DSG1: variants seen among roughly 807,000 people sequenced by gnomAD.
The protein encoded by DSG1 is desmoglein 1, also known as desmoglein-1.
DSG1 carries 39 observed loss-of-function variants against 97.5 expected under a neutral mutation model. That is an observed-to-expected ratio of 0.40 (90% CI 0.31 to 0.52). The LOEUF (loss-of-function observed/expected upper bound fraction) is 0.52. DSG1 is among the 20% of genes least tolerant of loss of function. The pLI, the probability that DSG1 is intolerant of heterozygous loss-of-function variation, is 0.53. For synonymous variants in DSG1, 475 were observed against 443.4 expected, an observed-to-expected ratio of 1.07 and a Z score of -0.90; for missense variants, 1,311 against 1,295.4, an observed-to-expected ratio of 1.01 and a Z score of -0.18.
rs776316038 is a variant in DSG1, at chr18:31,331,792, T to C, written c.609T>C (p.Pro203=). The change falls in exon 6 of 15, where the codon CCT becomes CCC. Residue 203 remains proline (P), a synonymous_variant. Coordinates refer to ENST00000257192, the MANE Select transcript of DSG1 (RefSeq NM_001942.4). The part of the protein sequence containing the change: ...KIAFKIIRQE[P]SDSPMFIINR... ...CCTTCAAGATTATAAGACAAGAACC[T>C]TCAGATTCACCAATGTTTATTATCA... is the stretch of plus-strand genomic sequence containing the variant. 1 of 1,612,850 alleles carries C rather than the reference T, an allele frequency of 6.2e-7. No homozygotes were observed. Among genetic ancestry groups the C allele is most frequent in the Non-Finnish European group, 8.5e-7 (1 of 1,179,136 alleles).
intron 3 of DSG1, 101 bp from the exon 4 acceptor site, chr18:31,328,088 A>G: frequency 1.6e-6 from 2 of 1,232,868 alleles, no homozygotes; most frequent in Non-Finnish European, 1.1e-6. Context: ...TTCCTAAATA[A>G]CAAGGTCATC....
chr18:31,348,028 T>A (rs913365735), intron 14 of DSG1, among the ~76,000 whole-genome samples: 4 of 152,090 alleles, frequency 2.6e-5, no homozygotes, highest in South Asian at 2.1e-4. Context: ...GCAGGTTAGT[T>A]ACATATGTAT....
intron 14 of DSG1, among the ~76,000 whole-genome samples, chr18:31,348,056 G>A (rs1412349616): frequency 6.6e-6 from 1 of 151,320 alleles, no homozygotes; most frequent in East Asian, 1.9e-4. Flanking sequence ...CCATGCTGGT[G>A]CGCTGCACCC....
intron 8 of DSG1, among the ~76,000 whole-genome samples, chr18:31,336,081 G>A (rs559289292): frequency 1.3e-5 from 2 of 152,064 alleles, no homozygotes; most frequent in South Asian, 4.2e-4. Context: ...ATTATTCTAA[G>A]TTTTTAATTT....
rs188468017 is a variant in DSG1 at position 31,344,942 on chromosome 18, C to T, written c.1891+947C>T. On this transcript the variant is annotated intron_variant, in intron 13 of 14. Transcript: ENST00000257192. The stretch of plus-strand genomic sequence containing the variant: ...ATAACTTGTAGAACTGGACCTTATT[C>T]AAAGAACTCGACACAGTAGTCTTTA... Among the ~76,000 whole-genome samples, 158 of 152,218 alleles carry T rather than the reference C, an allele frequency of 1.0e-3. 1 individual carries two copies. The highest frequency in any genetic ancestry group is 3.4e-3 in the Middle Eastern group (1 of 294).
chr18:31,338,566 C>A, intron 10 of DSG1, 112 bp downstream of exon 10: 2 of 1,140,390 alleles, frequency 1.8e-6, no homozygotes, highest in Non-Finnish European at 2.6e-6. Context: ...CAAAAGTTGT[C>A]ACACTGGGCA....
At position 31,357,876 on chromosome 18, in the gene DSG1, GATTTTCC is replaced by G. The variant is rs1211233864; in HGVS notation, c.*2535_*2541del. 6.6e-6 allele frequency among the ~76,000 whole-genome samples: 1 copy of G among 151,926 alleles called. No individual in the cohort carries two copies. The highest frequency in any genetic ancestry group is 1.5e-5 in the Non-Finnish European group (1 of 67,870). On this transcript the variant is annotated 3_prime_UTR_variant, in exon 15 of 15. Transcript: ENST00000257192. ...ATTTTTTCTTCCAGGATTGCACACTGATTTTCCATTTAGTCCTAAATTTTAAAATTCC... is the reference window on the plus strand; with the variant it reads ...ATTTTTTCTTCCAGGATTGCACACTGATTTAGTCCTAAATTTTAAAATTCC...
intron 8 of DSG1, among the ~76,000 whole-genome samples, chr18:31,335,541 A>T (rs1374055111): frequency 7.0e-6 from 1 of 142,242 alleles, no homozygotes; most frequent in African/African-American, 2.5e-5. Context: ...TGTGTGTGTA[A>T]TGTATATATA....
Position 31,330,156 on chromosome 18 carries a change from G to A in DSG1, c.517+120G>A, listed in dbSNP as rs542138586. ...TAAACTATAGAAAAGATGCAGAATA[G>A]CAAGTCTTTCCTTTCAACTACGGAA... On this transcript the variant is annotated intron_variant, in intron 5 of 14. Coordinates refer to ENST00000257192, the MANE Select transcript of DSG1 (RefSeq NM_001942.4). 5 of 1,283,842 alleles carry A rather than the reference G, an allele frequency of 3.9e-6. No homozygotes were observed. The Admixed American group carries it at 7.2e-5, about 18-fold the overall frequency. 79.5% of individuals were successfully genotyped at this position (1,283,842 alleles called of 1,614,324 possible). A position where few individuals can be genotyped will look rare whatever the true frequency, so the allele number is the denominator to read the frequency against.
intron 4 of DSG1, among the ~76,000 whole-genome samples, chr18:31,328,804 T>A (rs558775562): frequency 6.6e-6 from 1 of 152,160 alleles, no homozygotes; most frequent in African/African-American, 2.4e-5. Context: ...ACTGCAGGAC[T>A]GTTTTCTGAG....
At chr18:31,331,395 C>T (rs1351836287) in intron 5 of DSG1, among the ~76,000 whole-genome samples, 1 of 151,888 alleles carries the variant, frequency 6.6e-6, no homozygotes, top group Non-Finnish European at 1.5e-5. Flanking sequence ...CATTTTGTTT[C>T]GCCACAGCAT....
At position 31,355,129 on chromosome 18, in the gene DSG1, G is replaced by A. The variant is rs151170788; in HGVS notation, c.2933G>A (p.Gly978Asp). The A allele has an allele frequency of 1.2e-6, 2 of 1,612,998 alleles. No individual in the cohort carries two copies. Among genetic ancestry groups the A allele is most frequent in the South Asian group, 1.1e-5 (1 of 90,986 alleles). Residue 978 changes from glycine (G) to aspartate (D), a missense_variant, in exon 15 of 15, where the codon GGC becomes GAC. Coordinates refer to ENST00000257192, the MANE Select transcript of DSG1 (RefSeq NM_001942.4). ...TGISGGIGSS[G>D]LVGTSMGAGS... The stretch of plus-strand genomic sequence containing the variant: ...ATCAGCGGTGGCATAGGCAGCAGTG[G>A]CCTGGTTGGCACCAGCATGGGTGCT...
At chr18:31,326,724 A>G (rs1050895314) in intron 2 of DSG1, 108 bp downstream of exon 2, 1 of 1,311,626 alleles carries the variant, frequency 7.6e-7, no homozygotes, top group African/African-American at 1.5e-5. Flanking sequence ...AGTTCATATA[A>G]TGCTAAAATT....
At chr18:31,336,218 T>C in intron 8 of DSG1, 136 bp from the exon 9 acceptor site, 1 of 710,964 alleles carries the variant, frequency 1.4e-6, no homozygotes. Flanking sequence ...AATTTAAGAA[T>C]GGATTGTGTA....
chr18:31,326,094 AT>A (rs2071684234), intron 1 of DSG1, among the ~76,000 whole-genome samples: 1 of 151,962 alleles, frequency 6.6e-6, no homozygotes, highest in Non-Finnish European at 1.5e-5. Flanking sequence ...ATAAATACTT[AT>A]TTTCTGAATT....
chr18:31,322,654 T>C (rs2071661369), intron 1 of DSG1, among the ~76,000 whole-genome samples: 1 of 152,192 alleles, frequency 6.6e-6, no homozygotes, highest in South Asian at 2.1e-4. Flanking sequence ...AATTGTGATA[T>C]TTTAGCTTTG....
intron 8 of DSG1, among the ~76,000 whole-genome samples, chr18:31,334,905 G>GTGCT (rs2071742573): frequency 6.6e-6 from 1 of 152,158 alleles, no homozygotes. Context: ...GTTTCGCCCT[G>GTGCT]TGCTACACAA....
intron 5 of DSG1, among the ~76,000 whole-genome samples, chr18:31,330,607 A>G (rs2071714474): frequency 6.6e-6 from 1 of 152,098 alleles, no homozygotes; most frequent in African/African-American, 2.4e-5. Flanking sequence ...TGTAATATGG[A>G]AAGTAAAAGG....
At chr18:31,327,508 C>G (rs764001716) in intron 3 of DSG1, among the ~76,000 whole-genome samples, 3 of 152,080 alleles carry the variant, frequency 2.0e-5, no homozygotes, top group Admixed American at 1.3e-4. Flanking sequence ...CAGATGTACA[C>G]GTCCACAGAT....
Sources: allele counts gnomAD v4.1 joint callset (sites outside exome capture counted in the v4.1 genomes callset), GRCh38; gene constraint gnomAD v4.1.1; transcripts MANE v1.5; gene names NCBI Gene and HGNC (gene_info 2026-07-23, HGNC 2026-07-21).